DCBLD2: variants seen among roughly 807,000 people sequenced by gnomAD.
DCBLD2 encodes the protein discoidin, CUB and LCCL domain-containing protein 2.
A neutral mutation model predicts 86.8 loss-of-function variants in DCBLD2; 54 were observed. That is an observed-to-expected ratio of 0.62 (90% CI 0.50 to 0.78). The LOEUF is 0.78. Ranked by LOEUF, DCBLD2 falls within the 30% of genes least tolerant of loss-of-function variation. DCBLD2 has a pLI of 0.00. For missense variants in DCBLD2, 908 were observed against 954.2 expected (o/e 0.95, Z 0.64); for synonymous variants, 354 against 341.3 (o/e 1.04, Z -0.41).
chr3:98,849,267 T>C, intron 3 of DCBLD2, 194 bp downstream of exon 3: 1 of 623,972 alleles, frequency 1.6e-6, no homozygotes, highest in Non-Finnish European at 2.7e-6. Context: ...GAAAGGGAAG[T>C]AACGTTTATG....
intron 2 of DCBLD2, among the ~76,000 whole-genome samples, chr3:98,878,868 C>A (rs552771246): frequency 6.6e-6 from 1 of 152,246 alleles, no homozygotes; most frequent in East Asian, 1.9e-4. Context: ...TATTACACAC[C>A]AAACACTGCA....
intron 3 of DCBLD2, among the ~76,000 whole-genome samples, chr3:98,827,801 C>A (rs1576166501): frequency 6.6e-6 from 1 of 152,316 alleles, no homozygotes; most frequent in South Asian, 2.1e-4. Context: ...TACTACAATG[C>A]TCCCAGCTAA....
At chr3:98,850,850 G>A (rs946710556) in intron 2 of DCBLD2, among the ~76,000 whole-genome samples, 2 of 152,100 alleles carry the variant, frequency 1.3e-5, no homozygotes, top group African/African-American at 4.8e-5. Context: ...AGTGCAATCT[G>A]AAATGAAATT....
intron 3 of DCBLD2, among the ~76,000 whole-genome samples, chr3:98,847,860 G>C (rs1037937623): frequency 2.6e-5 from 4 of 152,160 alleles, no homozygotes; most frequent in Non-Finnish European, 4.4e-5. Flanking sequence ...CCCCTATATA[G>C]CAGGGGGAAA....
At position 98,819,373 on chromosome 3, in the gene DCBLD2, G is replaced by T; in HGVS notation, c.916C>A (p.Pro306Thr). 1 of 1,613,652 alleles carries T rather than the reference G, an allele frequency of 6.2e-7. No homozygotes were observed. The highest frequency in any genetic ancestry group is 2.2e-5 in the East Asian group (1 of 44,876). Residue 306 changes from proline (P) to threonine (T), a missense_variant, in exon 8 of 16, where the codon CCT becomes ACT. Physicochemically the swap from Pro to Thr is conservative, Grantham distance 38 (BLOSUM62 -1). Transcript: ENST00000326840. ...AGCACAGATGATGCTGTTATTTGAG[G>T]ATCCGCGATCACACCAGACTCCATC... ...LGMESGVIAD[P>T]QITASSVLEW...
intron 3 of DCBLD2, among the ~76,000 whole-genome samples, chr3:98,841,205 G>A (rs570960892): frequency 6.6e-6 from 1 of 152,288 alleles, no homozygotes; most frequent in South Asian, 2.1e-4. Context: ...GTGATTGTGA[G>A]AAAGAGCAGG....
At chr3:98,862,613 A>G (rs1345181320) in intron 2 of DCBLD2, among the ~76,000 whole-genome samples, 1 of 152,214 alleles carries the variant, frequency 6.6e-6, no homozygotes, top group African/African-American at 2.4e-5. Flanking sequence ...AACCACATAC[A>G]AAAACCACAT....
chr3:98,807,822 T>G (rs1941866938), intron 13 of DCBLD2: 1 of 227,542 alleles, frequency 4.4e-6, no homozygotes, highest in South Asian at 1.5e-4. Flanking sequence ...AATGTAACTA[T>G]CATGTGTCAG....
chr3:98,860,189 A>T (rs1302126565), intron 2 of DCBLD2, among the ~76,000 whole-genome samples: 2 of 152,210 alleles, frequency 1.3e-5, no homozygotes, highest in East Asian at 3.8e-4. Flanking sequence ...GACTAAAAAG[A>T]AATGAACAAA....
intron 5 of DCBLD2, 94 bp downstream of exon 5, chr3:98,822,575 T>G (rs1353463964): frequency 7.6e-7 from 1 of 1,317,520 alleles, no homozygotes; most frequent in Non-Finnish European, 1.0e-6. Flanking sequence ...AGGCAAAAGA[T>G]AAGGATATAT....
intron 2 of DCBLD2, among the ~76,000 whole-genome samples, chr3:98,869,031 A>G (rs576349243): frequency 1.3e-5 from 2 of 152,274 alleles, no homozygotes; most frequent in South Asian, 4.1e-4. Context: ...GTTCTTTGAT[A>G]AATTTCCATA....
chr3:98,815,854 A>C (rs1433436926), intron 9 of DCBLD2: 2 of 152,110 alleles, frequency 1.3e-5, no homozygotes, highest in Non-Finnish European at 2.9e-5. Context: ...ACTAAAATAC[A>C]AAGAGAAAAA....
rs1190593970 is a variant in DCBLD2 at position 98,866,479 on chromosome 3, C to T, written c.433+15061G>A. Among the ~76,000 whole-genome samples the T allele has an allele frequency of 2.6e-5, 4 of 152,212 alleles. No individual in the cohort carries two copies. The East Asian group carries it at 5.8e-4, about 22-fold the overall frequency. ...TGGCCAGTGATGATGAGCATTTTTT[C>T]ATGTGTCTTTTGGCTGCATAAATGT... On this transcript the variant is annotated intron_variant, in intron 2 of 15. Coordinates refer to ENST00000326840, the MANE Select transcript of DCBLD2 (RefSeq NM_080927.4).
chr3:98,860,406 T>C (rs1396214391), intron 2 of DCBLD2, among the ~76,000 whole-genome samples: 2 of 151,998 alleles, frequency 1.3e-5, no homozygotes, highest in Non-Finnish European at 2.9e-5. Context: ...AAGAGCAACT[T>C]CATGACACAT....
intron 1 of DCBLD2, among the ~76,000 whole-genome samples, chr3:98,893,748 C>G (rs1359312050): frequency 6.6e-6 from 1 of 152,164 alleles, no homozygotes; most frequent in African/African-American, 2.4e-5. Flanking sequence ...AAGTGTAAAG[C>G]ATGCCAAAAC....
intron 3 of DCBLD2, among the ~76,000 whole-genome samples, chr3:98,830,659 G>A (rs979023802): frequency 6.6e-6 from 1 of 152,192 alleles, no homozygotes; most frequent in Admixed American, 6.5e-5. Flanking sequence ...ACAGTTTGAA[G>A]TCAGGTAATA....
intron 2 of DCBLD2, among the ~76,000 whole-genome samples, chr3:98,865,764 G>A (rs1943131542): frequency 6.6e-6 from 1 of 151,958 alleles, no homozygotes; most frequent in Admixed American, 6.5e-5. Context: ...TGCACAACGT[G>A]CAGGTGACAT....
intron 4 of DCBLD2, among the ~76,000 whole-genome samples, chr3:98,824,984 CT>C (rs34938436): frequency 0.061 from 9,312 of 152,184 alleles, 345 homozygotes; most frequent in Non-Finnish European, 0.071. Flanking sequence ...CAAAACCATG[CT>C]CTTTCAATTT....
At chr3:98,843,885 G>A (rs146821113) in intron 3 of DCBLD2, among the ~76,000 whole-genome samples, 9 of 152,064 alleles carry the variant, frequency 5.9e-5, no homozygotes, top group South Asian at 2.1e-4. Context: ...TATTTCTCCC[G>A]TCCAAAATAA....
Sources: gnomAD v4.1 joint callset for allele counts (sites outside exome capture counted in the v4.1 genomes callset) on GRCh38, gnomAD v4.1.1 for gene constraint, MANE v1.5 for transcripts, NCBI Gene and HGNC (gene_info 2026-07-23, HGNC 2026-07-21) for gene names.